The following DOCK5 variants were observed in gnomAD, a reference collection of about 807,000 sequenced individuals.
The protein encoded by DOCK5 is dedicator of cytokinesis 5.
Under a neutral mutation model 251.8 loss-of-function variants are expected in DOCK5, and 142 were observed. The observed-to-expected ratio is 0.56, with a 90% CI of 0.49 to 0.65. The LOEUF (loss-of-function observed/expected upper bound fraction) is 0.65. Ranked by LOEUF, DOCK5 falls within the 30% of genes least tolerant of loss-of-function variation. The pLI is 0.00. For synonymous variants in DOCK5, 842 were observed against 835.5 expected, an observed-to-expected ratio of 1.01 and a Z score of -0.13; for missense variants, 2,111 against 2,312.3, an observed-to-expected ratio of 0.91 and a Z score of 1.79.
intron 1 of DOCK5, among the ~76,000 whole-genome samples, chr8:25,185,224 C>G (rs1326582558): frequency 6.6e-6 from 1 of 152,070 alleles, no homozygotes; most frequent in East Asian, 1.9e-4. Context: ...CACTTCACAC[C>G]AGGGAAATGT....
In DOCK5 at chr8:25,392,785, C is replaced by T. The variant is rs749384047; in HGVS notation, c.4441-11C>T. On this transcript the variant is annotated splice_polypyrimidine_tract_variant and intron_variant, in intron 43 of 51. Transcript: ENST00000276440. ...TTGACCAACATTTCATGTTTTCCTT[C>T]TTGCCACCAGACGATGTGGATTGAA... The T allele has an allele frequency of 1.9e-6, 3 of 1,609,808 alleles. No homozygotes were observed. Among genetic ancestry groups the T allele is most frequent in the Middle Eastern group, 3.3e-4 (2 of 6,058 alleles).
Position 25,368,616 on chromosome 8 carries a change from T to C in DOCK5, c.3329T>C (p.Leu1110Pro). Residue 1110 changes from leucine to proline, a missense_variant, in exon 33 of 52, where the codon CTG becomes CCG. By Grantham distance (98) the Leu-to-Pro change is moderately conservative. Transcript: ENST00000276440. Reference protein sequence around the residue: ...KFIPSMVGPILEVTLTPEVEL... With the variant: ...KFIPSMVGPIPEVTLTPEVEL... Reference sequence around the variant, plus strand: ...ATCCCATCCATGGTGGGTCCCATTCTGGAGGTCACTCTGACCCCTGAAGTA... The same window carrying C: ...ATCCCATCCATGGTGGGTCCCATTCCGGAGGTCACTCTGACCCCTGAAGTA... 6.2e-7 allele frequency: 1 copy of C among 1,613,750 alleles called. No individual in the cohort carries two copies. Among genetic ancestry groups the C allele is most frequent in the Non-Finnish European group, 8.5e-7 (1 of 1,179,800 alleles).
intron 1 of DOCK5, among the ~76,000 whole-genome samples, chr8:25,199,640 C>T (rs1473805201): frequency 3.3e-5 from 5 of 152,236 alleles, no homozygotes; most frequent in Admixed American, 6.5e-5. Flanking sequence ...GCCTTGGCCT[C>T]CCAAAGTGTT....
intron 13 of DOCK5, among the ~76,000 whole-genome samples, 188 bp downstream of exon 13, chr8:25,310,720 AC>A (rs1321066589): frequency 6.6e-6 from 1 of 152,184 alleles, no homozygotes; most frequent in Admixed American, 6.5e-5. Context: ...TGTCATTATT[AC>A]AAATATAAAA....
chr8:25,223,993 G>A (rs534645515), intron 1 of DOCK5, among the ~76,000 whole-genome samples: 59 of 152,198 alleles, frequency 3.9e-4, no homozygotes, highest in Admixed American at 1.0e-3. Context: ...CCAACATGGA[G>A]AACAAGGCTA....
chr8:25,292,211 C>T (rs368874750), intron 6 of DOCK5, 39 bp downstream of exon 6: 82 of 1,518,094 alleles, frequency 5.4e-5, no homozygotes, highest in African/African-American at 4.7e-4. Context: ...GAAAACTTGG[C>T]GAACAGTGGG....
chr8:25,304,453 T>C, intron 11 of DOCK5, 126 bp downstream of exon 11: 1 of 810,074 alleles, frequency 1.2e-6, no homozygotes, highest in South Asian at 2.0e-5. Context: ...GCTGCAAGAT[T>C]GTCAGATAGG....
At chr8:25,377,279 C>T (rs750791496) in intron 37 of DOCK5, 26 bp from the exon 38 acceptor site, 32 of 1,593,240 alleles carry the variant, frequency 2.0e-5, no homozygotes, top group South Asian at 1.6e-4. Context: ...TTGTATTAAC[C>T]GTGTGTCGCT....
At chr8:25,302,184 G>A (rs1804783687) in intron 9 of DOCK5, 141 bp from the exon 10 acceptor site, 1 of 1,224,590 alleles carries the variant, frequency 8.2e-7, no homozygotes, top group Non-Finnish European at 1.1e-6. Flanking sequence ...TGGAGATGGG[G>A]GAGAAGAGAG....
chr8:25,207,165 C>A (rs575309108), intron 1 of DOCK5, among the ~76,000 whole-genome samples: 1 of 152,074 alleles, frequency 6.6e-6, no homozygotes, highest in African/African-American at 2.4e-5. Flanking sequence ...ATTGATCGAC[C>A]ATAAGATTCA....
intron 48 of DOCK5, among the ~76,000 whole-genome samples, chr8:25,405,056 G>A (rs974363032): frequency 6.6e-5 from 10 of 151,914 alleles, no homozygotes; most frequent in African/African-American, 1.5e-4. Flanking sequence ...ACTTTTTTCT[G>A]TTGAATTGTT....
intron 22 of DOCK5, among the ~76,000 whole-genome samples, chr8:25,337,305 T>C (rs1805837724): frequency 6.6e-6 from 1 of 152,202 alleles, no homozygotes; most frequent in African/African-American, 2.4e-5. Context: ...TCTTTGTCCT[T>C]GATGAGATTG....
At chr8:25,186,126 A>G (rs1202886833) in intron 1 of DOCK5, among the ~76,000 whole-genome samples, 1 of 152,172 alleles carries the variant, frequency 6.6e-6, no homozygotes, top group Non-Finnish European at 1.5e-5. Context: ...TCAACTCTGT[A>G]GCCAGGAGTC....
intron 1 of DOCK5, among the ~76,000 whole-genome samples, chr8:25,207,502 G>A (rs1311266224): frequency 1.3e-5 from 2 of 152,182 alleles, no homozygotes; most frequent in African/African-American, 4.8e-5. Flanking sequence ...ATTGAAACCA[G>A]TGCTCTTTCA....
chr8:25,319,543 A>G, intron 14 of DOCK5, 35 bp from the exon 15 acceptor site: 1 of 1,503,204 alleles, frequency 6.7e-7, no homozygotes, highest in Non-Finnish European at 9.1e-7. Flanking sequence ...TCTAAACAAA[A>G]TTATTCCCTT....
chr8:25,389,287 C>T (rs1414764562), intron 41 of DOCK5, 55 bp downstream of exon 41: 31 of 1,575,758 alleles, frequency 2.0e-5, no homozygotes, highest in Middle Eastern at 2.1e-4. Context: ...TGCACAGCCC[C>T]AGCTAAGCCA....
chr8:25,291,703 C>T (rs187637438), intron 5 of DOCK5, among the ~76,000 whole-genome samples: 2,076 of 96,196 alleles, frequency 0.022, 51 homozygotes, highest in African/African-American at 0.073. Context: ...AAAAAATCAA[C>T]CAGGCCAGGC....
At chr8:25,375,693 G>A (rs1186342702) in intron 37 of DOCK5, 5 of 983,642 alleles carry the variant, frequency 5.1e-6, no homozygotes, top group African/African-American at 1.7e-5. Flanking sequence ...TTATACTAAA[G>A]TAATATATGG....
At position 25,352,084 on chromosome 8, in the gene DOCK5, G is replaced by A. The variant is rs561989843; in HGVS notation, c.2850+258G>A. 8.6e-5 allele frequency among the ~76,000 whole-genome samples: 13 copies of A among 151,940 alleles called. No individual in the cohort carries two copies. In the South Asian group the frequency reaches 1.7e-3, roughly 19 times the overall value. On this transcript the variant is annotated intron_variant, in intron 27 of 51. Transcript: ENST00000276440. ...AATTAGCTGGGTGTGGTGGTGGCACGTGCCTGTGGTTGCAGCTACTCAGGA... is the reference window on the plus strand; with the variant it reads ...AATTAGCTGGGTGTGGTGGTGGCACATGCCTGTGGTTGCAGCTACTCAGGA...
Sources: allele counts gnomAD v4.1 joint callset (sites outside exome capture counted in the v4.1 genomes callset), GRCh38; gene constraint gnomAD v4.1.1; transcripts MANE v1.5; gene names NCBI Gene and HGNC (gene_info 2026-07-23, HGNC 2026-07-21).